Variants in PHF20 observed in about 807,000 individuals in gnomAD.
PHF20 encodes PHD finger protein 20.
Under a neutral mutation model 113.5 loss-of-function variants are expected in PHF20, and 23 were observed. The ratio of observed to expected loss-of-function variants is 0.20; its 90% confidence interval spans 0.15 to 0.29. PHF20 has a LOEUF of 0.29. Ranked by LOEUF, PHF20 falls within the 10% of genes least tolerant of loss-of-function variation. The pLI is 1.00. For synonymous variants in PHF20, 434 were observed against 457.3 expected (o/e 0.95, Z 0.65); for missense variants, 943 against 1,219.6 (o/e 0.77, Z 3.38).
intron 1 of PHF20, among the ~76,000 whole-genome samples, chr20:35,779,302 T>C (rs2041237757): frequency 6.6e-6 from 1 of 152,070 alleles, no homozygotes; most frequent in Admixed American, 6.6e-5. Flanking sequence ...CCCAAAGTGC[T>C]AGGTTTACAG....
At chr20:35,792,198 C>CT (rs944152155) in intron 1 of PHF20, among the ~76,000 whole-genome samples, 10 of 151,598 alleles carry the variant, frequency 6.6e-5, no homozygotes, top group South Asian at 2.1e-4. Flanking sequence ...CTTCACTCTT[C>CT]TTTTTTTTAC....
At position 35,947,816 on chromosome 20, in the gene PHF20, G is replaced by A. The variant is rs1013419621; in HGVS notation, c.*189G>A. The A allele has an allele frequency of 1.4e-5, 8 of 574,596 alleles. No individual in the cohort carries two copies. Among genetic ancestry groups the A allele is most frequent in the Middle Eastern group, 4.6e-4 (1 of 2,160 alleles). The allele number at this position is 574,596 out of a possible 1,614,324, so 35.6% of individuals were successfully genotyped here. Reference sequence around the variant, plus strand: ...GGCTGCGGGAGGACACTCTGATCTCGAAGCCTGCCATAAAGGTAGCAAATA... The same window carrying A: ...GGCTGCGGGAGGACACTCTGATCTCAAAGCCTGCCATAAAGGTAGCAAATA... On this transcript the variant is annotated 3_prime_UTR_variant, in exon 18 of 18. Coordinates refer to ENST00000374012, the MANE Select transcript of PHF20 (RefSeq NM_016436.5).
chr20:35,857,418 C>CG (rs1015046371), intron 4 of PHF20, among the ~76,000 whole-genome samples: 2 of 152,044 alleles, frequency 1.3e-5, no homozygotes, highest in African/African-American at 4.8e-5. Context: ...CAGAAAAAAA[C>CG]TAACAATGTA....
In PHF20 at chr20:35,948,077, TCCTTTTCTAGC is replaced by T; in HGVS notation, c.*451_*461del. The T allele has an allele frequency of 5.9e-6, 1 of 169,108 alleles. No individual in the cohort carries two copies. Among genetic ancestry groups the T allele is most frequent in the Admixed American group, 5.6e-5 (1 of 17,882 alleles). The allele number at this position is 169,108 out of a possible 1,614,324, so 10.5% of individuals were successfully genotyped here. ...GGTGTTTGGGCAGCAGGCATCATTT[TCCTTTTCTAGC>T]TTCATAGGAATATTGTGAGCTCACC... On this transcript the variant is annotated 3_prime_UTR_variant, in exon 18 of 18. Coordinates refer to ENST00000374012, the MANE Select transcript of PHF20 (RefSeq NM_016436.5).
intron 2 of PHF20, among the ~76,000 whole-genome samples, chr20:35,818,607 A>G (rs1004718728): frequency 3.3e-5 from 5 of 151,822 alleles, no homozygotes; most frequent in Admixed American, 3.3e-4. Context: ...TGGTGTGATC[A>G]TAACTGTAGC....
At chr20:35,810,411 T>A (rs957450486) in intron 2 of PHF20, among the ~76,000 whole-genome samples, 1 of 152,168 alleles carries the variant, frequency 6.6e-6, no homozygotes, top group Non-Finnish European at 1.5e-5. Flanking sequence ...CACCTTTGAG[T>A]GACGCCTTTG....
At chr20:35,907,722 T>C (rs930328233) in intron 10 of PHF20, among the ~76,000 whole-genome samples, 11 of 152,360 alleles carry the variant, frequency 7.2e-5, no homozygotes, top group Non-Finnish European at 1.6e-4. Flanking sequence ...ATGATTTCAA[T>C]GATTTGAATT....
At chr20:35,871,558 A>G in intron 8 of PHF20, 92 bp from the exon 9 acceptor site, 1 of 1,064,472 alleles carries the variant, frequency 9.4e-7, no homozygotes. Flanking sequence ...CTTCCTCTAA[A>G]AAGTCCCTGG....
chr20:35,877,124 A>T (rs1306382502), intron 9 of PHF20, among the ~76,000 whole-genome samples: 8 of 146,070 alleles, frequency 5.5e-5, no homozygotes, highest in Non-Finnish European at 1.2e-4. Flanking sequence ...AAAAAAAAAA[A>T]AAAAAAGATA....
chr20:35,854,815 A>G (rs1457406656), intron 4 of PHF20, among the ~76,000 whole-genome samples: 2 of 152,178 alleles, frequency 1.3e-5, no homozygotes, highest in Non-Finnish European at 2.9e-5. Context: ...GTCAGTAGAC[A>G]GGCTTGGATT....
At chr20:35,885,467 CTTTTTT>C (rs577878410) in intron 9 of PHF20, among the ~76,000 whole-genome samples, 1 of 35,722 alleles carries the variant, frequency 2.8e-5, no homozygotes, top group Non-Finnish European at 5.4e-5. Flanking sequence ...GGGGAATAAG[CTTTTTT>C]TTTTTTTTTT....
intron 10 of PHF20, among the ~76,000 whole-genome samples, chr20:35,900,570 A>G (rs2055075038): frequency 6.6e-6 from 1 of 152,240 alleles, no homozygotes; most frequent in Non-Finnish European, 1.5e-5. Context: ...ACAGTGTCTC[A>G]TGCCTATAAT....
chr20:35,908,867 G>T (rs1399389458), intron 10 of PHF20, among the ~76,000 whole-genome samples: 1 of 152,164 alleles, frequency 6.6e-6, no homozygotes, highest in Admixed American at 6.5e-5. Context: ...GCAATAGATT[G>T]TTGTATATTA....
intron 8 of PHF20, among the ~76,000 whole-genome samples, chr20:35,871,421 C>T (rs1037245829): frequency 1.3e-5 from 2 of 152,280 alleles, no homozygotes; most frequent in African/African-American, 2.4e-5. Context: ...CCATCTCATT[C>T]GTGCCTTTGT....
chr20:35,863,962 A>G (rs1029032908), intron 6 of PHF20, among the ~76,000 whole-genome samples: 1 of 152,204 alleles, frequency 6.6e-6, no homozygotes, highest in African/African-American at 2.4e-5. Flanking sequence ...TAGAGGGTAT[A>G]GATTTAGGGA....
chr20:35,777,210 G>A (rs1377208167), intron 1 of PHF20, among the ~76,000 whole-genome samples: 6 of 152,100 alleles, frequency 3.9e-5, no homozygotes, highest in South Asian at 4.1e-4. Flanking sequence ...TATATACCCC[G>A]TATTTACTTG....
chr20:35,801,887 GT>G (rs1256592334), intron 2 of PHF20: 3 of 255,654 alleles, frequency 1.2e-5, no homozygotes, highest in African/African-American at 6.7e-5. Context: ...AGAGTTAATA[GT>G]GGCAGCTCTC....
intron 13 of PHF20, among the ~76,000 whole-genome samples, chr20:35,918,234 G>T (rs921695621): frequency 3.9e-5 from 6 of 152,070 alleles, no homozygotes; most frequent in African/African-American, 1.4e-4. Context: ...TTGCAGTTCT[G>T]GGAGAGGTGG....
At chr20:35,932,428 AT>A (rs753265544) in intron 15 of PHF20, among the ~76,000 whole-genome samples, 1,580 of 104,632 alleles carry the variant, frequency 0.015, 9 homozygotes, top group Middle Eastern at 0.048. Context: ...CATCTTAACC[AT>A]TTTTTTTTTT....
Sources: gnomAD v4.1 joint callset for allele counts (sites outside exome capture counted in the v4.1 genomes callset) on GRCh38, gnomAD v4.1.1 for gene constraint, MANE v1.5 for transcripts, NCBI Gene and HGNC (gene_info 2026-07-23, HGNC 2026-07-21) for gene names.